Variants in FER1L6 observed in about 807,000 individuals in gnomAD.
FER1L6 encodes fer-1 like family member 6, also known as fer-1-like protein 6.
FER1L6 carries 177 observed loss-of-function variants against 219.2 expected under a neutral mutation model. That is an observed-to-expected ratio of 0.81 (90% CI 0.71 to 0.91). The LOEUF (loss-of-function observed/expected upper bound fraction) is 0.91. Among genes scored for constraint, FER1L6 ranks in the 40% least tolerant of loss-of-function variants. FER1L6 has a pLI of 0.00. For synonymous variants in FER1L6, 768 were observed against 824.3 expected, an observed-to-expected ratio of 0.93 and a Z score of 1.17; for missense variants, 2,153 against 2,259.9, an observed-to-expected ratio of 0.95 and a Z score of 0.96.
At chr8:123,992,071 C>T (rs534803075) in intron 12 of FER1L6, among the ~76,000 whole-genome samples, 18 of 152,122 alleles carry the variant, frequency 1.2e-4, no homozygotes, top group Non-Finnish European at 1.2e-4. Flanking sequence ...GGTGTATTTT[C>T]TTTTTGATGT....
intron 1 of FER1L6, among the ~76,000 whole-genome samples, chr8:123,948,674 G>A (rs1814609581): frequency 1.3e-5 from 2 of 152,000 alleles, no homozygotes; most frequent in South Asian, 4.1e-4. Context: ...TTTGTTTCTA[G>A]GTATCCTGCT....
At chr8:123,923,342 C>T (rs1028448180) in intron 1 of FER1L6, among the ~76,000 whole-genome samples, 4 of 152,196 alleles carry the variant, frequency 2.6e-5, no homozygotes, top group Admixed American at 6.5e-5. Context: ...ATACAATGCA[C>T]GGCCATTGGC....
At chr8:123,881,939 C>A (rs1401301420) in intron 1 of FER1L6, among the ~76,000 whole-genome samples, 2 of 152,192 alleles carry the variant, frequency 1.3e-5, no homozygotes, top group Admixed American at 1.3e-4. Flanking sequence ...TCCACCATTT[C>A]TTTCACTTCC....
intron 10 of FER1L6, among the ~76,000 whole-genome samples, chr8:123,980,217 A>C (rs147007866): frequency 1.1e-3 from 164 of 152,330 alleles, no homozygotes; most frequent in African/African-American, 3.8e-3. Context: ...CATTTGATGA[A>C]TAAGTGAACA....
At chr8:124,037,213 G>C (rs1819259267) in intron 19 of FER1L6, among the ~76,000 whole-genome samples, 2 of 152,216 alleles carry the variant, frequency 1.3e-5, no homozygotes, top group Admixed American at 1.3e-4. Context: ...TGGGAGGTCT[G>C]CTAAAATTAC....
intron 2 of FER1L6, among the ~76,000 whole-genome samples, chr8:123,958,470 G>C (rs766125043): frequency 6.6e-6 from 1 of 152,126 alleles, no homozygotes; most frequent in Non-Finnish European, 1.5e-5. Context: ...CCTTTCCTTC[G>C]GGGTTCCAGT....
At chr8:124,013,122 T>C (rs1167436011) in intron 14 of FER1L6, among the ~76,000 whole-genome samples, 1 of 152,224 alleles carries the variant, frequency 6.6e-6, no homozygotes, top group Non-Finnish European at 1.5e-5. Flanking sequence ...CCCACGTTAT[T>C]AGGTTTCCCC....
At chr8:124,078,621 C>T (rs899563072) in intron 32 of FER1L6, among the ~76,000 whole-genome samples, 6 of 151,754 alleles carry the variant, frequency 4.0e-5, no homozygotes, top group Admixed American at 6.6e-5. Flanking sequence ...CTTCAAGGTG[C>T]CCATGAATAT....
rs146408872 is a variant in FER1L6, at chr8:123,926,796, A to G, written c.-7-29196A>G. ...TGTGAAGCTATTTATTGTCTAAGTA[A>G]TATATATTCTAAGTAATATATCTAT... On this transcript the variant is annotated intron_variant, in intron 1 of 40. Coordinates refer to ENST00000522917, the MANE Select transcript of FER1L6 (RefSeq NM_001039112.2). Among the ~76,000 whole-genome samples the G allele has an allele frequency of 4.7e-3, 712 of 152,276 alleles. 1 individual carries two copies. The highest frequency in any genetic ancestry group is 0.017 in the Middle Eastern group (5 of 294).
intron 1 of FER1L6, among the ~76,000 whole-genome samples, chr8:123,908,617 G>A (rs1408878978): frequency 6.6e-6 from 1 of 152,076 alleles, no homozygotes; most frequent in East Asian, 1.9e-4. Context: ...TTTTTTTGGT[G>A]ATATTTACTA....
chr8:123,997,117 A>G (rs1817168441), intron 12 of FER1L6, among the ~76,000 whole-genome samples: 1 of 152,086 alleles, frequency 6.6e-6, no homozygotes, highest in South Asian at 2.1e-4. Flanking sequence ...GTACCTTCAG[A>G]TGATTTCTTG....
chr8:123,972,352 A>G (rs988122661), intron 6 of FER1L6, among the ~76,000 whole-genome samples: 1 of 152,218 alleles, frequency 6.6e-6, no homozygotes, highest in Admixed American at 6.5e-5. Context: ...AATTCACTGA[A>G]TGTTTATTGA....
intron 1 of FER1L6, among the ~76,000 whole-genome samples, chr8:123,858,972 T>C (rs1455464832): frequency 6.6e-6 from 1 of 151,848 alleles, no homozygotes; most frequent in Non-Finnish European, 1.5e-5. Flanking sequence ...TGCATATATG[T>C]AGAGGACAAT....
At chr8:124,083,575 A>G (rs1471529110) in intron 33 of FER1L6, among the ~76,000 whole-genome samples, 1 of 152,032 alleles carries the variant, frequency 6.6e-6, no homozygotes, top group Non-Finnish European at 1.5e-5. Context: ...TTCTGTTCCA[A>G]ACATAGATTT....
chr8:123,919,538 G>C (rs994113077), intron 1 of FER1L6, among the ~76,000 whole-genome samples: 5 of 152,170 alleles, frequency 3.3e-5, no homozygotes, highest in Non-Finnish European at 7.4e-5. Flanking sequence ...GGCTGGAGGA[G>C]CCACCTCTGC....
intron 38 of FER1L6, among the ~76,000 whole-genome samples, chr8:124,101,965 T>C (rs972940800): frequency 2.0e-5 from 3 of 152,150 alleles, no homozygotes; most frequent in African/African-American, 2.4e-5. Flanking sequence ...GATTTTCCAA[T>C]TGGAAATTGG....
At chr8:123,906,141 C>T (rs529308588) in intron 1 of FER1L6, among the ~76,000 whole-genome samples, 2 of 152,324 alleles carry the variant, frequency 1.3e-5, no homozygotes, top group East Asian at 3.9e-4. Flanking sequence ...TTTCCACTGA[C>T]CCTTGGCCCA....
At chr8:124,088,578 T>TATCA (rs1300933788) in intron 33 of FER1L6, among the ~76,000 whole-genome samples, 2 of 151,928 alleles carry the variant, frequency 1.3e-5, no homozygotes, top group African/African-American at 2.4e-5. Context: ...AATCTCTTCC[T>TATCA]ATCACTACCA....
chr8:123,914,392 G>A (rs1204484545), intron 1 of FER1L6, among the ~76,000 whole-genome samples: 1 of 152,192 alleles, frequency 6.6e-6, no homozygotes, highest in African/African-American at 2.4e-5. Flanking sequence ...ATACGTCAGT[G>A]GGTGGGGATG....
Sources: gnomAD v4.1 joint callset for allele counts (sites outside exome capture counted in the v4.1 genomes callset) on GRCh38, gnomAD v4.1.1 for gene constraint, MANE v1.5 for transcripts, NCBI Gene and HGNC (gene_info 2026-07-23, HGNC 2026-07-21) for gene names.